Variants in LRP5 observed in about 807,000 individuals in gnomAD.
LRP5 encodes the protein low-density lipoprotein receptor-related protein 5.
LRP5 carries 62 observed loss-of-function variants against 154.1 expected under a neutral mutation model. The observed-to-expected ratio is 0.40, with a 90% CI of 0.33 to 0.50. The LOEUF is 0.50. Among genes scored for constraint, LRP5 ranks in the 20% least tolerant of loss-of-function variants. The probability of loss-of-function intolerance (pLI) is 0.55; values close to 1 mark genes in which losing one functional copy is unlikely to be tolerated. For missense variants in LRP5, 1,915 were observed against 2,336.7 expected (o/e 0.82, Z 3.72); for synonymous variants, 966 against 1,011.5 (o/e 0.96, Z 0.85).
At chr11:68,348,459 T>G (rs930157805) in intron 2 of LRP5, among the ~76,000 whole-genome samples, 3 of 141,490 alleles carry the variant, frequency 2.1e-5, no homozygotes, top group Non-Finnish European at 4.6e-5. Context: ...ACCCCAGCAC[T>G]CGGTGTCACT....
At chr11:68,415,352 C>G (rs2098661965) in intron 12 of LRP5, among the ~76,000 whole-genome samples, 1 of 152,212 alleles carries the variant, frequency 6.6e-6, no homozygotes, top group South Asian at 2.1e-4. Flanking sequence ...AGGCACATAG[C>G]AAACCGCACA....
Position 68,413,969 on chromosome 11 carries a change from C to G in LRP5, c.2784C>G (p.Cys928Trp). 1 of 1,606,924 alleles carries G rather than the reference C, an allele frequency of 6.2e-7. No homozygotes were observed. The stretch of plus-strand genomic sequence containing the variant: ...TCCCCGGCGGCCACCGCTGCGGCTG[C>G]GCCTCACACTACACCCTGGACCCCA... ...LAIPGGHRCG[C>W]ASHYTLDPSS... is the part of the protein sequence containing the mutation. Residue 928 changes from cysteine to tryptophan, a missense_variant, in exon 12 of 23, where the codon TGC becomes TGG. Coordinates refer to ENST00000294304, the MANE Select transcript of LRP5 (RefSeq NM_002335.4). This position sits in a 1 kb window ranked among gnomAD's most constrained non-coding sequence, Gnocchi z 5.1.
chr11:68,404,319 C>G, intron 8 of LRP5: 1 of 531,156 alleles, frequency 1.9e-6, no homozygotes, highest in Admixed American at 2.2e-5. Flanking sequence ...GGGTCCCACA[C>G]TGCACCTGCT....
At chr11:68,411,729 G>A (rs1253105644) in intron 11 of LRP5, 109 bp downstream of exon 11, 2 of 1,228,812 alleles carry the variant, frequency 1.6e-6, no homozygotes, top group Non-Finnish European at 2.2e-6. Flanking sequence ...CCCCAACCTG[G>A]CAGGAGCTGT....
In LRP5 at chr11:68,439,787, C is replaced by A; in HGVS notation, c.4359C>A (p.Cys1453Ter). The stretch of plus-strand genomic sequence containing the variant: ...TCCCTTCCCTGCCAGGCATCGCATG[C>A]GGAAAGTCCATGATGAGCTCCGTGA... ...SQHGPFTGIA[C>*]GKSMMSSVSL... Residue 1453 changes from cysteine to a stop codon, truncating the protein, a stop_gained, in exon 21 of 23, where the codon TGC (cysteine) becomes TGA (stop). Transcript: ENST00000294304. LOFTEE classifies it high-confidence loss of function. 1 of 1,611,202 alleles carries A rather than the reference C, an allele frequency of 6.2e-7. No individual in the cohort carries two copies. Among genetic ancestry groups the A allele is most frequent in the Non-Finnish European group, 8.5e-7 (1 of 1,179,442 alleles).
At chr11:68,419,732 CG>C (rs1323747293) in intron 13 of LRP5, among the ~76,000 whole-genome samples, 2 of 151,772 alleles carry the variant, frequency 1.3e-5, no homozygotes, top group African/African-American at 4.8e-5. Context: ...TTAGCAGAGA[CG>C]GGGTTTCACC....
chr11:68,328,765 G>A (rs2098601131), intron 1 of LRP5, among the ~76,000 whole-genome samples: 1 of 152,338 alleles, frequency 6.6e-6, no homozygotes, highest in East Asian at 1.9e-4. Flanking sequence ...CCTGGGGCTT[G>A]GTACTGTCTG....
intron 1 of LRP5, among the ~76,000 whole-genome samples, chr11:68,330,964 C>T (rs942043254): frequency 1.3e-5 from 2 of 152,222 alleles, no homozygotes; most frequent in African/African-American, 4.8e-5. Flanking sequence ...TTGTGTTTTC[C>T]ATTTCACTTC....
rs774790391 is a variant in LRP5, at chr11:68,389,962, C to T, written c.1494C>T (p.Val498=). The change falls in exon 7 of 23, where the codon GTC becomes GTT. Residue 498 remains valine (V), a synonymous_variant. Transcript: ENST00000294304. ...NLDGQERRVL[V]NASLGWPNGL... ...ATGGGCAGGAGCGGCGTGTGCTGGT[C>T]AATGCCTCCCTCGGGTGGCCCAACG... The T allele has an allele frequency of 3.7e-6, 6 of 1,614,032 alleles. No individual in the cohort carries two copies. Among genetic ancestry groups the T allele is most frequent in the Non-Finnish European group, 5.1e-6 (6 of 1,180,034 alleles).
intron 1 of LRP5, among the ~76,000 whole-genome samples, chr11:68,330,437 G>A (rs1417685705): frequency 1.3e-5 from 2 of 152,202 alleles, no homozygotes; most frequent in East Asian, 1.9e-4. Context: ...TTTGGAAGAG[G>A]CGATTTGCTT....
rs371983231 is a variant in LRP5 at position 68,374,216 on chromosome 11, G to A, written c.1015+8514G>A. Reference sequence around the variant, plus strand: ...TGGAGCCGACGGCAAAGCCCCTCACGTCCCTCCGTCTGTCCGGGCGGATTA... The same window carrying A: ...TGGAGCCGACGGCAAAGCCCCTCACATCCCTCCGTCTGTCCGGGCGGATTA... On this transcript the variant is annotated intron_variant, in intron 5 of 22. Coordinates refer to ENST00000294304, the MANE Select transcript of LRP5 (RefSeq NM_002335.4). Among the ~76,000 whole-genome samples the A allele has an allele frequency of 3.5e-4, 54 of 152,326 alleles. 1 individual carries two copies. The East Asian group carries it at 6.4e-3, about 18-fold the overall frequency.
intron 21 of LRP5, among the ~76,000 whole-genome samples, chr11:68,445,372 C>G (rs1055785898): frequency 1.3e-5 from 2 of 152,168 alleles, no homozygotes; most frequent in Admixed American, 1.3e-4. Context: ...AGTGCTAGGT[C>G]AAGCCCATTT....
intron 5 of LRP5, among the ~76,000 whole-genome samples, chr11:68,368,735 G>A (rs2098632448): frequency 1.3e-5 from 2 of 152,116 alleles, no homozygotes; most frequent in South Asian, 2.1e-4. Context: ...GTCTGTGTGG[G>A]TGATCGAACC....
chr11:68,403,240 G>A (rs2098653624), intron 7 of LRP5, among the ~76,000 whole-genome samples: 1 of 152,180 alleles, frequency 6.6e-6, no homozygotes, highest in South Asian at 2.1e-4. Context: ...GTGAGACGCT[G>A]TCTCAAAATC....
In LRP5 at chr11:68,436,950, G is replaced by T; in HGVS notation, c.4062G>T (p.Gln1354His). 1 of 1,613,946 alleles carries T rather than the reference G, an allele frequency of 6.2e-7. No homozygotes were observed. The highest frequency in any genetic ancestry group is 8.5e-7 in the Non-Finnish European group (1 of 1,179,982). Residue 1354 changes from glutamine (Q) to histidine (H), a missense_variant, in exon 19 of 23, where the codon CAG (glutamine) becomes CAT (histidine). Around this residue, in one of 3 missense-constraint regions of LRP5, gnomAD observed 1,094 missense variants for 1,210.1 expected, o/e 0.90. Transcript: ENST00000294304. The part of the protein sequence containing the change: ...ASGQCVLIKQ[Q>H]CDSFPDCIDG... The stretch of plus-strand genomic sequence containing the variant: ...GCCAGTGTGTCCTCATCAAACAGCA[G>T]TGCGACTCCTTCCCCGACTGTATCG...
intron 8 of LRP5, chr11:68,404,485 C>T (rs558275254): frequency 1.6e-5 from 8 of 490,724 alleles, no homozygotes; most frequent in South Asian, 6.2e-5. Flanking sequence ...CTTTAAAATA[C>T]GAGGGAGCTG....
chr11:68,363,343 G>A (rs1437294432), intron 3 of LRP5, among the ~76,000 whole-genome samples: 3 of 152,136 alleles, frequency 2.0e-5, no homozygotes, highest in Admixed American at 2.0e-4. Flanking sequence ...CTCTTGACCT[G>A]GCCTCACTTG....
In LRP5 at chr11:68,353,143, T is replaced by C. The variant is rs1383590774; in HGVS notation, c.489-4507T>C. On this transcript the variant is annotated intron_variant, in intron 2 of 22. Coordinates refer to ENST00000294304, the MANE Select transcript of LRP5 (RefSeq NM_002335.4). The surrounding 1 kb of genome is among the most constrained non-coding windows in gnomAD (Gnocchi z 4.5). ...TGTCCCTGTTTGGCTCTGGCTTTTC[T>C]TAACTATTTGAAATGGTTCCTTTAC... is the stretch of plus-strand genomic sequence containing the variant. Among the ~76,000 whole-genome samples the C allele has an allele frequency of 1.3e-5, 2 of 152,194 alleles. No homozygotes were observed. The highest frequency in any genetic ancestry group is 2.9e-5 in the Non-Finnish European group (2 of 68,028).
chr11:68,350,907 T>C (rs570665290), intron 2 of LRP5, among the ~76,000 whole-genome samples: 24 of 152,088 alleles, frequency 1.6e-4, no homozygotes, highest in East Asian at 1.4e-3. Context: ...TGTGTGTGTG[T>C]GCGTGTGCAC....
Sources: gnomAD v4.1 joint callset for allele counts (sites outside exome capture counted in the v4.1 genomes callset) on GRCh38, gnomAD v4.1.1 for gene constraint, gnomAD v4.1.1 regional missense constraint, Gnocchi (gnomAD v3.1) non-coding constraint, MANE v1.5 for transcripts, NCBI Gene and HGNC (gene_info 2026-07-23, HGNC 2026-07-21) for gene names.